PHF14: variants seen among roughly 807,000 people sequenced by gnomAD.
The protein encoded by PHF14 is PHD finger protein 14.
In PHF14, 55 loss-of-function variants were observed where a neutral mutation model predicts 117.9. That is an observed-to-expected ratio of 0.47 (90% confidence interval 0.38 to 0.58). The LOEUF (loss-of-function observed/expected upper bound fraction) is 0.58, where lower values mean the gene tolerates loss of function less well. Ranked by LOEUF, PHF14 falls within the 20% of genes least tolerant of loss-of-function variation. The probability of loss-of-function intolerance (pLI) is 0.00; values close to 1 mark genes in which losing one functional copy is unlikely to be tolerated. For synonymous variants in PHF14, 409 were observed against 368.6 expected (o/e 1.11, Z -1.26); for missense variants, 978 against 1,122.2 (o/e 0.87, Z 1.84).
rs138370058 is a variant in PHF14 at position 11,112,078 on chromosome 7, A to G, written c.2772+611A>G. Among the ~76,000 whole-genome samples the G allele has an allele frequency of 5.9e-3, 891 of 152,252 alleles. 10 individuals are homozygous for G. Among genetic ancestry groups the G allele is most frequent in the African/African-American group, 0.02 (844 of 41,558 alleles). ...TTCTAAACTTACATTGTAGTAATAC[A>G]TAGTTTATTTTGTGGTTTGTTAAAG... On this transcript the variant is annotated intron_variant, in intron 17 of 17. Coordinates refer to ENST00000634607, the MANE Select transcript of PHF14 (RefSeq NM_001007157.2).
chr7:11,107,131 C>G (rs997207484), intron 16 of PHF14: 2 of 983,896 alleles, frequency 2.0e-6, no homozygotes, highest in African/African-American at 3.5e-5. Flanking sequence ...ATGTTAAACC[C>G]TTTGGAATAC....
intron 17 of PHF14, among the ~76,000 whole-genome samples, chr7:11,115,241 T>C (rs1016636646): frequency 1.6e-4 from 25 of 152,200 alleles, no homozygotes; most frequent in African/African-American, 6.0e-4. Context: ...GTTATGGTTC[T>C]TCCTGTTTGA....
chr7:10,994,648 A>T (rs916881823), intron 4 of PHF14, among the ~76,000 whole-genome samples: 5 of 152,038 alleles, frequency 3.3e-5, no homozygotes, highest in African/African-American at 1.2e-4. Context: ...TAACTTCAAG[A>T]ATGAAGCTGT....
At chr7:11,106,894 T>G (rs867955690) in intron 16 of PHF14, 2 of 982,876 alleles carry the variant, frequency 2.0e-6, no homozygotes, top group African/African-American at 1.8e-5. Context: ...TATAAACTTA[T>G]AGGGGCTACA....
At chr7:11,015,681 G>A (rs1260975369) in intron 5 of PHF14, among the ~76,000 whole-genome samples, 11 of 152,088 alleles carry the variant, frequency 7.2e-5, no homozygotes, top group Admixed American at 5.2e-4. Context: ...GAAACAACTA[G>A]CAGTTTCTGT....
chr7:10,977,290 T>C (rs955884355), intron 2 of PHF14, among the ~76,000 whole-genome samples: 6 of 152,126 alleles, frequency 3.9e-5, no homozygotes, highest in South Asian at 2.1e-4. Flanking sequence ...AAACAACTTC[T>C]AGAAATGACT....
chr7:10,989,022 T>G (rs997566162), intron 3 of PHF14, among the ~76,000 whole-genome samples: 6 of 152,196 alleles, frequency 3.9e-5, no homozygotes, highest in Non-Finnish European at 5.9e-5. Context: ...GAGTTTTCTT[T>G]AGGATGTTTT....
At chr7:11,110,847 G>C (rs1035281518) in intron 16 of PHF14, 4 of 151,944 alleles carry the variant, frequency 2.6e-5, no homozygotes, top group Non-Finnish European at 5.9e-5. Context: ...GAGAGAAATC[G>C]GGTCCAAATT....
At chr7:11,025,560 G>A (rs1002818123) in intron 6 of PHF14, among the ~76,000 whole-genome samples, 3 of 152,138 alleles carry the variant, frequency 2.0e-5, no homozygotes, top group African/African-American at 4.8e-5. Context: ...TTGGGAGGCC[G>A]AGGTGGGTGG....
chr7:11,083,116 T>G (rs1786216731), intron 16 of PHF14, among the ~76,000 whole-genome samples: 1 of 152,194 alleles, frequency 6.6e-6, no homozygotes, highest in South Asian at 2.1e-4. Flanking sequence ...GCTTAGATTG[T>G]GCAGTCCAAC....
intron 17 of PHF14, among the ~76,000 whole-genome samples, chr7:11,119,790 T>A (rs765931928): frequency 5.3e-5 from 8 of 151,930 alleles, no homozygotes; most frequent in Non-Finnish European, 1.2e-4. Flanking sequence ...AAGAAAACTT[T>A]CAAATCTAAG....
At chr7:11,091,572 A>G (rs1312658856) in intron 16 of PHF14, among the ~76,000 whole-genome samples, 1 of 152,036 alleles carries the variant, frequency 6.6e-6, no homozygotes, top group Non-Finnish European at 1.5e-5. Context: ...CCTGGGCAAA[A>G]TGGTGAAACC....
At chr7:11,134,337 A>G (rs1788160625) in intron 17 of PHF14, among the ~76,000 whole-genome samples, 1 of 151,994 alleles carries the variant, frequency 6.6e-6, no homozygotes, top group South Asian at 2.1e-4. Context: ...GCTAATATGG[A>G]CCTGAAATAT....
At chr7:11,006,154 A>G (rs1317378106) in intron 4 of PHF14, among the ~76,000 whole-genome samples, 1 of 152,136 alleles carries the variant, frequency 6.6e-6, no homozygotes, top group African/African-American at 2.4e-5. Context: ...GGACTGTACT[A>G]ATTACCAACA....
At chr7:11,052,730 A>G (rs903451323) in intron 14 of PHF14, among the ~76,000 whole-genome samples, 2 of 152,144 alleles carry the variant, frequency 1.3e-5, no homozygotes, top group African/African-American at 4.8e-5. Context: ...ATCTATTTAC[A>G]TATTTTTGGT....
At chr7:11,104,359 G>C (rs1787186602) in intron 16 of PHF14, 1 of 967,358 alleles carries the variant, frequency 1.0e-6, no homozygotes, top group Middle Eastern at 5.3e-4. Context: ...AAGAAAACTT[G>C]AAGTAACTAG....
intron 4 of PHF14, among the ~76,000 whole-genome samples, chr7:10,997,293 G>C (rs1343251715): frequency 6.6e-6 from 1 of 152,178 alleles, no homozygotes. Context: ...ATCTTGACCT[G>C]AGAGAGTTCA....
At chr7:10,976,112 A>G (rs189117504) in intron 2 of PHF14, among the ~76,000 whole-genome samples, 2 of 152,350 alleles carry the variant, frequency 1.3e-5, no homozygotes, top group East Asian at 3.9e-4. Flanking sequence ...AATGGATTTG[A>G]CTTCAGAATT....
chr7:11,105,980 GAA>G, intron 16 of PHF14: 1 of 984,926 alleles, frequency 1.0e-6, no homozygotes, highest in Non-Finnish European at 1.2e-6. Context: ...TTGTACTGCT[GAA>G]AAATTTCCAA....
Sources: gnomAD v4.1 joint callset for allele counts (sites outside exome capture counted in the v4.1 genomes callset) on GRCh38, gnomAD v4.1.1 for gene constraint, MANE v1.5 for transcripts, NCBI Gene and HGNC (gene_info 2026-07-23, HGNC 2026-07-21) for gene names.